Variants in ITPKB observed in about 807,000 individuals in gnomAD.
ITPKB encodes IP3 3-kinase B.
In ITPKB, 13 loss-of-function variants were observed where a neutral mutation model predicts 69.4. The observed-to-expected ratio is 0.19, with a 90% CI of 0.12 to 0.30. The LOEUF (loss-of-function observed/expected upper bound fraction) is 0.30, where lower values mean the gene tolerates loss of function less well. Ranked by LOEUF, ITPKB falls within the 10% of genes least tolerant of loss-of-function variation. The pLI, the probability that ITPKB is intolerant of heterozygous loss-of-function variation, is 1.00. For synonymous variants in ITPKB, 584 were observed against 513.7 expected (o/e 1.14, Z -1.85); for missense variants, 1,240 against 1,250.5 (o/e 0.99, Z 0.13).
At chr1:226,716,603 CAA>C (rs1005706025) in intron 2 of ITPKB, among the ~76,000 whole-genome samples, 2 of 152,140 alleles carry the variant, frequency 1.3e-5, no homozygotes, top group South Asian at 4.1e-4. Context: ...GTGTTGTACT[CAA>C]AGTTTTTTTT....
At chr1:226,644,012 G>T (rs1376441237) in intron 4 of ITPKB, among the ~76,000 whole-genome samples, 1 of 152,246 alleles carries the variant, frequency 6.6e-6, no homozygotes, top group African/African-American at 2.4e-5. Context: ...GCCAGGCTGT[G>T]GGAGGGACTC....
rs777853871 is a variant in ITPKB, at chr1:226,735,733, T to A, written c.1726A>T (p.Thr576Ser). 7 of 1,587,132 alleles carry A rather than the reference T, an allele frequency of 4.4e-6. No individual in the cohort carries two copies. In the African/African-American group the frequency reaches 9.4e-5, roughly 21 times the overall value. ...TCCTCCAAGGCCCCATCCTCCTGGGTGCCCATGTCTGTAATGATGACAGCA... is the reference window on the plus strand; with the variant it reads ...TCCTCCAAGGCCCCATCCTCCTGGGAGCCCATGTCTGTAATGATGACAGCA... ...IPAVIITDMG[T>S]QEDGALEETQ... Residue 576 changes from threonine (T) to serine (S), a missense_variant, in exon 2 of 8, where the codon ACC (threonine) becomes TCC (serine). Physicochemically the swap from Thr to Ser is moderately conservative, Grantham distance 58. Coordinates refer to ENST00000429204, the MANE Select transcript of ITPKB (RefSeq NM_002221.4).
intron 2 of ITPKB, among the ~76,000 whole-genome samples, chr1:226,650,342 G>C (rs1310642765): frequency 2.6e-5 from 4 of 152,168 alleles, no homozygotes; most frequent in Non-Finnish European, 5.9e-5. Flanking sequence ...CCACCGCCAA[G>C]ACCAATTCTA....
intron 2 of ITPKB, among the ~76,000 whole-genome samples, chr1:226,735,245 A>G (rs1657708771): frequency 6.6e-6 from 1 of 152,250 alleles, no homozygotes; most frequent in African/African-American, 2.4e-5. Flanking sequence ...TTTCCCAAGA[A>G]GCGTGGTGAC....
At position 226,736,937 on chromosome 1, in the gene ITPKB, C is replaced by G. The variant is rs763829163; in HGVS notation, c.522G>C (p.Ser174=). 4.3e-6 allele frequency: 7 copies of G among 1,610,994 alleles called. No homozygotes were observed. The highest frequency in any genetic ancestry group is 5.1e-6 in the Non-Finnish European group (6 of 1,179,992). Residue 174 remains serine (S), a synonymous_variant, in exon 2 of 8, where the codon TCG becomes TCC. Coordinates refer to ENST00000429204, the MANE Select transcript of ITPKB (RefSeq NM_002221.4). ...PRSPRLGRAR[S]PSPCPFRSSS... ...TGCTGCGGAAGGGGCACGGGGAGGG[C>G]GAGCGAGCCCTGCCCAAACGCGGGC...
chr1:226,652,899 G>A (rs1298607917), intron 2 of ITPKB, among the ~76,000 whole-genome samples: 3 of 152,170 alleles, frequency 2.0e-5, no homozygotes, highest in Non-Finnish European at 2.9e-5. Context: ...ATGTGGGGTC[G>A]GCCTAGCCAG....
At chr1:226,636,476 A>G (rs1322118719) in intron 7 of ITPKB, among the ~76,000 whole-genome samples, 1 of 152,188 alleles carries the variant, frequency 6.6e-6, no homozygotes, top group Admixed American at 6.5e-5. Context: ...CTGCCTGAGG[A>G]GGCCTGGTGG....
intron 2 of ITPKB, among the ~76,000 whole-genome samples, chr1:226,694,130 A>G (rs697849): frequency 1.2e-3 from 178 of 152,348 alleles, no homozygotes; most frequent in African/African-American, 4.2e-3. Flanking sequence ...AAAAATATAC[A>G]TGTGTTCATT....
At chr1:226,666,571 G>A (rs940605798) in intron 2 of ITPKB, among the ~76,000 whole-genome samples, 86 of 152,148 alleles carry the variant, frequency 5.7e-4, no homozygotes, top group African/African-American at 2.0e-3. Context: ...CTACCCTCAG[G>A]GACAGCTAAG....
rs1455777059 is a variant in ITPKB, at chr1:226,670,356, G to A, written c.1933-21585C>T. ...GCCATAAAAATGTTTCAACCTTTCA[G>A]TTATTTATTTTACCTCTGGAAATCT... On this transcript the variant is annotated intron_variant, in intron 2 of 7. Coordinates refer to ENST00000429204, the MANE Select transcript of ITPKB (RefSeq NM_002221.4). Among the ~76,000 whole-genome samples, 3 of 152,148 alleles carry A rather than the reference G, an allele frequency of 2.0e-5. No homozygotes were observed. In the East Asian group the frequency reaches 5.8e-4, roughly 29 times the overall value.
intron 2 of ITPKB, among the ~76,000 whole-genome samples, chr1:226,702,293 A>C (rs1656687451): frequency 6.6e-6 from 1 of 151,736 alleles, no homozygotes; most frequent in African/African-American, 2.4e-5. Flanking sequence ...GCTACTCGGG[A>C]GACTGAGGCA....
intron 2 of ITPKB, among the ~76,000 whole-genome samples, chr1:226,652,865 T>A (rs1271385859): frequency 6.6e-6 from 1 of 152,254 alleles, no homozygotes; most frequent in African/African-American, 2.4e-5. Context: ...AGCTCTGCTG[T>A]GACCCTTACT....
At chr1:226,671,199 C>A (rs541158802) in intron 2 of ITPKB, among the ~76,000 whole-genome samples, 1 of 152,178 alleles carries the variant, frequency 6.6e-6, no homozygotes, top group Non-Finnish European at 1.5e-5. Flanking sequence ...AGTGGAGGAC[C>A]ATTCGGATGA....
intron 3 of ITPKB, among the ~76,000 whole-genome samples, chr1:226,647,950 C>T (rs768538437): frequency 6.6e-6 from 1 of 152,196 alleles, no homozygotes; most frequent in Non-Finnish European, 1.5e-5. Flanking sequence ...AAGCGAAATG[C>T]GGGACCTTGT....
chr1:226,689,285 T>G (rs1482733127), intron 2 of ITPKB, among the ~76,000 whole-genome samples: 1 of 152,218 alleles, frequency 6.6e-6, no homozygotes, highest in East Asian at 1.9e-4. Context: ...GCCTACCCCC[T>G]TAGAAAGCTC....
intron 2 of ITPKB, among the ~76,000 whole-genome samples, chr1:226,703,722 C>G (rs751189267): frequency 2.0e-4 from 30 of 152,244 alleles, no homozygotes; most frequent in Admixed American, 5.2e-4. Context: ...TGCGCTCCCC[C>G]AGGCGGGAAA....
chr1:226,636,866 CAT>C (rs1272503909), intron 7 of ITPKB, among the ~76,000 whole-genome samples: 7 of 151,006 alleles, frequency 4.6e-5, no homozygotes, highest in East Asian at 1.9e-4. Context: ...TATATGAATA[CAT>C]GTGTGTGTTT....
intron 2 of ITPKB, among the ~76,000 whole-genome samples, chr1:226,726,666 ACT>A (rs1444183752): frequency 6.6e-6 from 1 of 151,656 alleles, no homozygotes; most frequent in Admixed American, 6.6e-5. Context: ...ACAGAGTGAG[ACT>A]CTGTCTCAAA....
In ITPKB at chr1:226,634,940, C is replaced by T; in HGVS notation, c.2626-54G>A. 1 of 1,435,432 alleles carries T rather than the reference C, an allele frequency of 7.0e-7. No individual in the cohort carries two copies. The highest frequency in any genetic ancestry group is 1.3e-5 in the South Asian group (1 of 78,900). The allele number at this position is 1,435,432 out of a possible 1,614,324, so 88.9% of individuals were successfully genotyped here. A position where few individuals can be genotyped will look rare whatever the true frequency, so the allele number is the denominator to read the frequency against. On this transcript the variant is annotated intron_variant, in intron 7 of 7. Transcript: ENST00000429204. The surrounding 1 kb of genome is among the most constrained non-coding windows in gnomAD (Gnocchi z 6.3). ...GCTGAAGCCCGGGCCTCGCCCTCCC[C>T]ACTGCGGCCCGGGGCCTGGGTGACC... is the stretch of plus-strand genomic sequence containing the variant.
Sources: allele counts gnomAD v4.1 joint callset (sites outside exome capture counted in the v4.1 genomes callset), GRCh38; gene constraint gnomAD v4.1.1; non-coding constraint Gnocchi (gnomAD v3.1); transcripts MANE v1.5; gene names NCBI Gene and HGNC (gene_info 2026-07-23, HGNC 2026-07-21).